The following ABCA1 variants were observed in gnomAD, a reference collection of about 807,000 sequenced individuals.
The protein encoded by ABCA1 is ATP binding cassette subfamily A member 1.
Under a neutral mutation model 262.5 loss-of-function variants are expected in ABCA1, and 133 were observed. The observed-to-expected ratio is 0.51, with a 90% CI of 0.44 to 0.59. The LOEUF is 0.59. Ranked by LOEUF, ABCA1 falls within the 20% of genes least tolerant of loss-of-function variation. The pLI, the probability that ABCA1 is intolerant of heterozygous loss-of-function variation, is 0.00. For missense variants in ABCA1, 2,452 were observed against 2,777.5 expected (o/e 0.88, Z 2.63); for synonymous variants, 1,022 against 1,043.5 (o/e 0.98, Z 0.40).
chr9:104,791,475 C>T (rs982852687), intron 43 of ABCA1, among the ~76,000 whole-genome samples: 13 of 151,266 alleles, frequency 8.6e-5, no homozygotes, highest in African/African-American at 3.2e-4. Context: ...CACTCTGTCA[C>T]CAGGCTGGAG....
chr9:104,865,298 G>A (rs1389690058), intron 5 of ABCA1, among the ~76,000 whole-genome samples: 1 of 152,154 alleles, frequency 6.6e-6, no homozygotes, highest in African/African-American at 2.4e-5. Flanking sequence ...GGTGAGGTGG[G>A]CAGATCACTT....
Position 104,832,753 on chromosome 9 carries a change from C to T in ABCA1, c.1330G>A (p.Asp444Asn). 1 of 1,614,200 alleles carries T rather than the reference C, an allele frequency of 6.2e-7. No individual in the cohort carries two copies. The highest frequency in any genetic ancestry group is 8.5e-7 in the Non-Finnish European group (1 of 1,180,028). ...TGCTGTTCCCAAAAGTGGTCATTGTCCCTGCTGTCCAACAGCATCTGCCAT... is the reference window on the plus strand; with the variant it reads ...TGCTGTTCCCAAAAGTGGTCATTGTTCCTGCTGTCCAACAGCATCTGCCAT... The part of the protein sequence containing the change: ...DLVRMLLDSR[D>N]NDHFWEQQLD... The change falls in exon 12 of 50, where the codon GAC becomes AAC. Residue 444 changes from aspartate to asparagine, a missense_variant. Physicochemically the swap from Asp to Asn is conservative, Grantham distance 23 (BLOSUM62 1). Around this residue, in one of 4 missense-constraint regions of ABCA1, gnomAD observed 1,032 missense variants for 1,089.7 expected, o/e 0.95. Coordinates refer to ENST00000374736, the MANE Select transcript of ABCA1 (RefSeq NM_005502.4).
intron 7 of ABCA1, among the ~76,000 whole-genome samples, chr9:104,851,376 C>T (rs1331437441): frequency 6.6e-6 from 1 of 152,200 alleles, no homozygotes; most frequent in Non-Finnish European, 1.5e-5. Flanking sequence ...TTGCCCACCT[C>T]TGCAGGCATC....
At chr9:104,895,198 G>T (rs1258105460) in intron 2 of ABCA1, among the ~76,000 whole-genome samples, 1 of 152,208 alleles carries the variant, frequency 6.6e-6, no homozygotes, top group African/African-American at 2.4e-5. Context: ...AAGATGGGAA[G>T]AAACATTGTT....
chr9:104,808,648 T>C (rs1214677430), intron 30 of ABCA1, among the ~76,000 whole-genome samples: 1 of 152,218 alleles, frequency 6.6e-6, no homozygotes, highest in African/African-American at 2.4e-5. Context: ...TATAAACAGG[T>C]TATCATGCTC....
Position 104,817,585 on chromosome 9 carries a change from C to T in ABCA1, c.3463-181G>A, listed in dbSNP as rs554290792. On this transcript the variant is annotated intron_variant, in intron 23 of 49. Transcript: ENST00000374736. This position sits in a 1 kb window ranked among gnomAD's most constrained non-coding sequence, Gnocchi z 4.7. ...AGGACCCTGTCTGGCATGTGTGTGC[C>T]GTGTGAACAGCCTCGCTTCCTGAGG... Among the ~76,000 whole-genome samples, 14 of 152,302 alleles carry T rather than the reference C, an allele frequency of 9.2e-5. No homozygotes were observed. Among genetic ancestry groups the T allele is most frequent in the African/African-American group, 3.4e-4 (14 of 41,566 alleles).
At chr9:104,882,056 A>AAAAAAAAAAAAAAAAAAAAAAAAAAAC (rs910844455) in intron 5 of ABCA1, among the ~76,000 whole-genome samples, 3 of 144,536 alleles carry the variant, frequency 2.1e-5, no homozygotes, top group Non-Finnish European at 4.6e-5. Context: ...AAAAAAAAAA[A>AAAAAAAAAAAAAAAAAAAAAAAAAAAC]ACTCAAATCT....
At chr9:104,849,351 TC>T (rs1193838011) in intron 7 of ABCA1, among the ~76,000 whole-genome samples, 1 of 152,182 alleles carries the variant, frequency 6.6e-6, no homozygotes, top group Non-Finnish European at 1.5e-5. Flanking sequence ...GACCTTCTTA[TC>T]AGTAGTCTGT....
intron 5 of ABCA1, among the ~76,000 whole-genome samples, chr9:104,870,172 T>C (rs996807848): frequency 4.6e-5 from 7 of 152,204 alleles, no homozygotes; most frequent in Admixed American, 1.3e-4. Context: ...GAACCACACA[T>C]TCCTTCTAGT....
At chr9:104,825,632 G>C (rs764041319) in intron 17 of ABCA1, 51 bp downstream of exon 17, 1 of 1,566,648 alleles carries the variant, frequency 6.4e-7, no homozygotes, top group South Asian at 1.1e-5. Context: ...CACAAAGAAA[G>C]GACATCAGCT....
At chr9:104,836,946 G>T in intron 11 of ABCA1, 34 bp downstream of exon 11, 1 of 1,526,614 alleles carries the variant, frequency 6.6e-7, no homozygotes, top group Non-Finnish European at 9.1e-7. Flanking sequence ...CCAGTATCAA[G>T]CAGGCACATG....
intron 2 of ABCA1, among the ~76,000 whole-genome samples, chr9:104,896,017 A>G (rs1412087099): frequency 6.6e-6 from 1 of 152,212 alleles, no homozygotes; most frequent in Non-Finnish European, 1.5e-5. Context: ...ATTCTTGAGA[A>G]TATAATGGGG....
intron 2 of ABCA1, among the ~76,000 whole-genome samples, chr9:104,895,728 C>A (rs578060590): frequency 2.3e-4 from 35 of 152,266 alleles, no homozygotes; most frequent in African/African-American, 8.2e-4. Flanking sequence ...TTATTCATGC[C>A]TGACTTTTGC....
chr9:104,899,044 T>G (rs1309441747), intron 2 of ABCA1, among the ~76,000 whole-genome samples: 10 of 152,244 alleles, frequency 6.6e-5, no homozygotes, highest in Non-Finnish European at 1.5e-4. Context: ...GCTTCACCAC[T>G]ATATACCCAG....
intron 24 of ABCA1, 68 bp from the exon 25 acceptor site, chr9:104,816,413 C>T: frequency 6.8e-7 from 1 of 1,463,132 alleles, no homozygotes; most frequent in Non-Finnish European, 9.6e-7. Context: ...GGCTGGCCAT[C>T]CCCCACCCTC....
At chr9:104,893,591 G>T (rs1839962777) in intron 2 of ABCA1, among the ~76,000 whole-genome samples, 1 of 151,946 alleles carries the variant, frequency 6.6e-6, no homozygotes, top group African/African-American at 2.4e-5. Flanking sequence ...TGTTTATTTA[G>T]GGCCCAATAT....
At position 104,796,374 on chromosome 9, in the gene ABCA1, G is replaced by T; in HGVS notation, c.5172C>A (p.Phe1724Leu). 6.2e-7 allele frequency: 1 copy of T among 1,614,208 alleles called. No homozygotes were observed. The highest frequency in any genetic ancestry group is 1.1e-5 in the South Asian group (1 of 91,090). Residue 1724 changes from phenylalanine (F) to leucine (L), a missense_variant, in exon 38 of 50, where the codon TTC (phenylalanine) becomes TTA (leucine). Coordinates refer to ENST00000374736, the MANE Select transcript of ABCA1 (RefSeq NM_005502.4). The stretch of plus-strand genomic sequence containing the variant: ...TGGAGGACACATAGGACTTCTGCTG[G>T]AAGCAGATGAAGATGATAATGACCA... ...ATLVIIIFIC[F>L]QQKSYVSSTN...
chr9:104,847,359 T>G (rs1277774525), intron 7 of ABCA1, among the ~76,000 whole-genome samples: 6 of 152,214 alleles, frequency 3.9e-5, no homozygotes, highest in Admixed American at 2.0e-4. Context: ...TTTAAAATGC[T>G]GTGCACATAT....
At chr9:104,861,382 T>G (rs889347048) in intron 6 of ABCA1, 2 of 569,554 alleles carry the variant, frequency 3.5e-6, no homozygotes, top group Non-Finnish European at 6.2e-6. Context: ...TTTTTAAGTT[T>G]AACTCAACTT....
Sources: allele counts gnomAD v4.1 joint callset (sites outside exome capture counted in the v4.1 genomes callset), GRCh38; gene constraint gnomAD v4.1.1; regional missense constraint gnomAD v4.1.1; non-coding constraint Gnocchi (gnomAD v3.1); transcripts MANE v1.5; gene names NCBI Gene and HGNC (gene_info 2026-07-23, HGNC 2026-07-21).